Variants in PPFIBP1 observed in about 807,000 individuals in gnomAD.
The protein encoded by PPFIBP1 is PPFIB scaffold protein 1.
PPFIBP1 carries 112 observed loss-of-function variants against 137.8 expected under a neutral mutation model. That is an observed-to-expected ratio of 0.81 (90% CI 0.70 to 0.95). The LOEUF (loss-of-function observed/expected upper bound fraction) is 0.95. Among genes scored for constraint, PPFIBP1 ranks in the 40% least tolerant of loss-of-function variants. The pLI is 0.00. For synonymous variants in PPFIBP1, 378 were observed against 417.3 expected (o/e 0.91, Z 1.15); for missense variants, 1,083 against 1,196.6 (o/e 0.91, Z 1.40).
At chr12:27,646,244 T>C (rs148593079) in intron 5 of PPFIBP1, 96 bp downstream of exon 5, 1 of 936,078 alleles carries the variant, frequency 1.1e-6, no homozygotes, top group East Asian at 2.7e-5. Context: ...GCAATCAGAC[T>C]GCTAATAGAA....
intron 2 of PPFIBP1, among the ~76,000 whole-genome samples, chr12:27,593,129 CAAAAAA>C (rs33939858): frequency 3.0e-5 from 3 of 100,940 alleles, no homozygotes; most frequent in African/African-American, 4.0e-5. Flanking sequence ...AAGAATGTCT[CAAAAAA>C]AAAAAAAAAA....
chr12:27,617,573 T>C (rs1377707917), intron 2 of PPFIBP1, among the ~76,000 whole-genome samples: 1 of 152,230 alleles, frequency 6.6e-6, no homozygotes, highest in African/African-American at 2.4e-5. Context: ...GTTCCTTATA[T>C]GAAATGATGT....
chr12:27,648,847 G>A lies in PPFIBP1; in HGVS notation c.471+1005G>A, dbSNP rs2058703236. On this transcript the variant is annotated intron_variant, in intron 6 of 29. Transcript: ENST00000228425. Reference sequence around the variant, plus strand: ...AGTAGAGGGGTGGTTACCATAGGCTGGGTAGGGTAGTGGGGATGAAGGGAG... The same window carrying A: ...AGTAGAGGGGTGGTTACCATAGGCTAGGTAGGGTAGTGGGGATGAAGGGAG... 6.8e-6 allele frequency among the ~76,000 whole-genome samples: 1 copy of A among 148,116 alleles called. No individual in the cohort carries two copies. Among genetic ancestry groups the A allele is most frequent in the Non-Finnish European group, 1.5e-5 (1 of 65,856 alleles).
At chr12:27,598,157 G>C (rs1261688781) in intron 2 of PPFIBP1, among the ~76,000 whole-genome samples, 5 of 152,158 alleles carry the variant, frequency 3.3e-5, no homozygotes, top group African/African-American at 1.2e-4. Context: ...TAGAGATACT[G>C]TATTAGTCCA....
chr12:27,564,333 G>C (rs1371275896), intron 1 of PPFIBP1, among the ~76,000 whole-genome samples: 1 of 152,164 alleles, frequency 6.6e-6, no homozygotes. Flanking sequence ...TGTATGTAAG[G>C]ATATTTGAAA....
At chr12:27,670,875 G>A (rs1432815470) in intron 13 of PPFIBP1, among the ~76,000 whole-genome samples, 1 of 151,544 alleles carries the variant, frequency 6.6e-6, no homozygotes, top group Non-Finnish European at 1.5e-5. Context: ...CAACCTGCAG[G>A]GGTAGGCATT....
intron 1 of PPFIBP1, among the ~76,000 whole-genome samples, chr12:27,528,451 C>T (rs1592260931): frequency 6.6e-6 from 1 of 152,202 alleles, no homozygotes; most frequent in Non-Finnish European, 1.5e-5. Flanking sequence ...GAACCTTCTT[C>T]CTAGTAAAAA....
At chr12:27,660,839 C>CA in intron 10 of PPFIBP1, 45 bp from the exon 11 acceptor site, 1 of 1,593,734 alleles carries the variant, frequency 6.3e-7, no homozygotes, top group South Asian at 1.1e-5. Flanking sequence ...TTATCACTGT[C>CA]ACACATGTGA....
chr12:27,580,957 C>CTGGA (rs1238617718), intron 2 of PPFIBP1, among the ~76,000 whole-genome samples: 3 of 151,548 alleles, frequency 2.0e-5, no homozygotes, highest in Non-Finnish European at 4.4e-5. Flanking sequence ...GTTGCCCAGG[C>CTGGA]TGGAGTACAG....
chr12:27,650,190 T>G, intron 7 of PPFIBP1, 49 bp downstream of exon 7: 1 of 1,488,826 alleles, frequency 6.7e-7, no homozygotes, highest in Non-Finnish European at 9.2e-7. Flanking sequence ...TGTCACTCTG[T>G]CTTTGTCTCT....
intron 2 of PPFIBP1, among the ~76,000 whole-genome samples, chr12:27,603,525 A>T (rs1422936758): frequency 6.6e-6 from 1 of 152,208 alleles, no homozygotes; most frequent in South Asian, 2.1e-4. Context: ...TTATGTGATT[A>T]TCTGACTATC....
chr12:27,635,118 A>G lies in PPFIBP1; in HGVS notation c.270+3A>G. On this transcript the variant is annotated splice_donor_region_variant and intron_variant, in intron 4 of 29. Transcript: ENST00000228425. ...TTGAATGGCTTCAGAGTCAAATGGT[A>G]GGGTCTGCCTGTTCCAAATTCTGTT... is the stretch of plus-strand genomic sequence containing the variant. 3 of 1,613,952 alleles carry G rather than the reference A, an allele frequency of 1.9e-6. No homozygotes were observed. The highest frequency in any genetic ancestry group is 2.2e-5 in the South Asian group (2 of 91,080).
Position 27,650,181 on chromosome 12 carries a change from G to A in PPFIBP1, c.603+40G>A, listed in dbSNP as rs772321392. On this transcript the variant is annotated intron_variant, in intron 7 of 29. Transcript: ENST00000228425. ...CTCTCCTCCCTCTCTCTCTCTCTCT[G>A]TCACTCTGTCTTTGTCTCTGACACA... 5.0e-5 allele frequency: 72 copies of A among 1,453,614 alleles called. No homozygotes were observed. The South Asian group carries it at 8.8e-4, about 18-fold the overall frequency. The allele number at this position is 1,453,614 out of a possible 1,614,324, so 90.0% of individuals were successfully genotyped here.
Position 27,646,090 on chromosome 12 carries a change from A to G in PPFIBP1, c.299A>G (p.Asp100Gly). Residue 100 changes from aspartate (D) to glycine (G), a missense_variant, in exon 5 of 30, where the codon GAT becomes GGT. Coordinates refer to ENST00000228425, the MANE Select transcript of PPFIBP1 (RefSeq NM_003622.4). ...AATGGACACCTACCAGGGAACGGAGATGTGTATCAAGAAAGGCTGGCACGT... is the reference window on the plus strand; with the variant it reads ...AATGGACACCTACCAGGGAACGGAGGTGTGTATCAAGAAAGGCTGGCACGT... ...MTNGHLPGNG[D>G]VYQERLARLE... 6.2e-7 allele frequency: 1 copy of G among 1,611,486 alleles called. No individual in the cohort carries two copies. The highest frequency in any genetic ancestry group is 8.5e-7 in the Non-Finnish European group (1 of 1,178,264).
chr12:27,608,503 C>T (rs2054758927), intron 2 of PPFIBP1, among the ~76,000 whole-genome samples: 1 of 152,106 alleles, frequency 6.6e-6, no homozygotes, highest in Non-Finnish European at 1.5e-5. Flanking sequence ...TTCAATATCC[C>T]ACACTATTTT....
chr12:27,539,682 A>G (rs1945442125), intron 1 of PPFIBP1, among the ~76,000 whole-genome samples: 1 of 152,050 alleles, frequency 6.6e-6, no homozygotes, highest in Non-Finnish European at 1.5e-5. Flanking sequence ...TTTATTGTGG[A>G]TTTATATTTG....
intron 1 of PPFIBP1, among the ~76,000 whole-genome samples, chr12:27,573,869 C>T (rs938413057): frequency 3.3e-5 from 5 of 151,986 alleles, no homozygotes; most frequent in Admixed American, 3.3e-4. Flanking sequence ...GTATTCCTAG[C>T]TACTCAGGAG....
chr12:27,525,575 T>A (rs1238933541), intron 1 of PPFIBP1, among the ~76,000 whole-genome samples: 1 of 151,448 alleles, frequency 6.6e-6, no homozygotes, highest in Non-Finnish European at 1.5e-5. Flanking sequence ...TCCCCTTTCC[T>A]TCACCGAAGT....
At chr12:27,553,501 G>A (rs575178326) in intron 1 of PPFIBP1, among the ~76,000 whole-genome samples, 1 of 152,336 alleles carries the variant, frequency 6.6e-6, no homozygotes, top group East Asian at 1.9e-4. Flanking sequence ...GGTGCTGGAT[G>A]AGTTCTCCTT....
Sources: gnomAD v4.1 joint callset for allele counts (sites outside exome capture counted in the v4.1 genomes callset) on GRCh38, gnomAD v4.1.1 for gene constraint, MANE v1.5 for transcripts, NCBI Gene and HGNC (gene_info 2026-07-23, HGNC 2026-07-21) for gene names.